AKAP19: variants seen among roughly 807,000 people sequenced by gnomAD.
AKAP19 encodes small A-kinase anchoring protein.
chr2:190,129,175 C>T, the AKAP19 span, among the ~76,000 whole-genome samples: 1 of 152,112 alleles, frequency 6.6e-6, no homozygotes, highest in Non-Finnish European at 1.5e-5. Flanking sequence ...TAGAGTACTC[C>T]ATTTACTGAT....
the AKAP19 span, among the ~76,000 whole-genome samples, chr2:190,022,866 A>T: frequency 2.0e-5 from 3 of 151,952 alleles, no homozygotes; most frequent in East Asian, 5.8e-4. Context: ...TTTTTGTTTC[A>T]TTATGCTGGT....
At chr2:190,148,122 A>G in the AKAP19 span, among the ~76,000 whole-genome samples, 1 of 152,096 alleles carries the variant, frequency 6.6e-6, no homozygotes, top group Non-Finnish European at 1.5e-5. Context: ...TTCCCCATTC[A>G]GTATTATGTT....
the AKAP19 span, among the ~76,000 whole-genome samples, chr2:189,918,042 T>G: frequency 3.2e-4 from 48 of 152,178 alleles, no homozygotes; most frequent in South Asian, 9.7e-3. Flanking sequence ...AGTGTTGTCA[T>G]TTTACTAGTT....
the AKAP19 span, among the ~76,000 whole-genome samples, chr2:190,004,089 T>C: frequency 6.7e-6 from 1 of 148,376 alleles, no homozygotes; most frequent in Non-Finnish European, 1.5e-5. Context: ...ATATAGTTAA[T>C]CTCTCTCTCT....
chr2:189,953,634 CAAAAAAAAAAAAA>C, the AKAP19 span, among the ~76,000 whole-genome samples: 1 of 72,826 alleles, frequency 1.4e-5, no homozygotes, highest in Non-Finnish European at 2.7e-5. Flanking sequence ...AACTCCATCT[CAAAAAAAAAAAAA>C]AAAAAAAAAA....
chr2:189,902,427 A>G, the AKAP19 span, among the ~76,000 whole-genome samples: 1 of 152,062 alleles, frequency 6.6e-6, no homozygotes, highest in Non-Finnish European at 1.5e-5. Flanking sequence ...AAATGAATTC[A>G]GAAAACCTCC....
the AKAP19 span, among the ~76,000 whole-genome samples, chr2:190,051,164 G>A: frequency 5.3e-5 from 8 of 151,938 alleles, no homozygotes; most frequent in East Asian, 1.9e-4. Flanking sequence ...TTTATTACTC[G>A]TGCATCTCTC....
chr2:189,987,490 C>T, the AKAP19 span, among the ~76,000 whole-genome samples: 1 of 152,198 alleles, frequency 6.6e-6, no homozygotes, highest in Non-Finnish European at 1.5e-5. Context: ...ATCTTTCAGT[C>T]CTTAAAGCAA....
At chr2:190,119,495 C>T in the AKAP19 span, among the ~76,000 whole-genome samples, 1 of 152,124 alleles carries the variant, frequency 6.6e-6, no homozygotes, top group African/African-American at 2.4e-5. Context: ...CGTGGGGATA[C>T]GTGGGGGTGG....
At chr2:190,024,328 G>A in the AKAP19 span, among the ~76,000 whole-genome samples, 8 of 144,454 alleles carry the variant, frequency 5.5e-5, no homozygotes, top group East Asian at 2.0e-4. Context: ...GTGTGTGTGT[G>A]TATATATATA....
chr2:190,193,907 CTATTA>C, the AKAP19 span, among the ~76,000 whole-genome samples: 2 of 152,126 alleles, frequency 1.3e-5, no homozygotes, highest in Admixed American at 1.3e-4. Flanking sequence ...TTCTTCTTTT[CTATTA>C]TAAGCATTTA....
chr2:190,102,453 A>C, the AKAP19 span, among the ~76,000 whole-genome samples: 1 of 152,136 alleles, frequency 6.6e-6, no homozygotes, highest in South Asian at 2.1e-4. Context: ...CTAGATTAAC[A>C]AAGAAAAAGA....
chr2:189,967,750 G>A, the AKAP19 span, among the ~76,000 whole-genome samples: 2 of 151,138 alleles, frequency 1.3e-5, no homozygotes, highest in Admixed American at 6.6e-5. Flanking sequence ...GGTGTTCAAT[G>A]GTATAGTGCA....
At chr2:190,178,702 C>A in the AKAP19 span, among the ~76,000 whole-genome samples, 1 of 152,218 alleles carries the variant, frequency 6.6e-6, no homozygotes, top group African/African-American at 2.4e-5. The surrounding 1 kb of genome is among the most constrained non-coding windows in gnomAD (Gnocchi z 6.3). Context: ...ATCTGTAGAC[C>A]AAAGGCTGGT....
At chr2:190,022,033 T>A in the AKAP19 span, among the ~76,000 whole-genome samples, 11 of 152,234 alleles carry the variant, frequency 7.2e-5, no homozygotes, top group African/African-American at 2.4e-4. Context: ...CTCAGGTCTC[T>A]CTTCTCCTTC....
the AKAP19 span, among the ~76,000 whole-genome samples, chr2:190,115,546 C>T: frequency 4.0e-5 from 6 of 149,716 alleles, no homozygotes; most frequent in Admixed American, 4.0e-4. Flanking sequence ...GTCTCGATCT[C>T]CTGACCTCGT....
chr2:189,988,273 A>C, the AKAP19 span, among the ~76,000 whole-genome samples: 329 of 152,364 alleles, frequency 2.2e-3, 2 homozygotes, highest in African/African-American at 7.3e-3. Flanking sequence ...AAACATGTCC[A>C]AAGAACCCCG....
the AKAP19 span, among the ~76,000 whole-genome samples, chr2:189,971,945 T>C: frequency 6.6e-6 from 1 of 151,952 alleles, no homozygotes; most frequent in Non-Finnish European, 1.5e-5. Flanking sequence ...CTGTTCACTC[T>C]GATGGTAGTT....
the AKAP19 span, among the ~76,000 whole-genome samples, chr2:190,151,948 A>G: frequency 6.6e-6 from 1 of 151,764 alleles, no homozygotes; most frequent in Non-Finnish European, 1.5e-5. Flanking sequence ...GGTTGCAGTG[A>G]GCTGGGATTG....
Sources: gnomAD v4.1 joint callset for allele counts (sites outside exome capture counted in the v4.1 genomes callset) on GRCh38, gnomAD v4.1.1 for gene constraint, Gnocchi (gnomAD v3.1) non-coding constraint, MANE v1.5 for transcripts, NCBI Gene and HGNC (gene_info 2026-07-23, HGNC 2026-07-21) for gene names.